The following RAD51B variants were observed in gnomAD, a reference collection of about 807,000 sequenced individuals.
The protein encoded by RAD51B is RAD51 paralog B.
A neutral mutation model predicts 42.2 loss-of-function variants in RAD51B; 38 were observed. That is an observed-to-expected ratio of 0.90 (90% CI 0.70 to 1.18). The LOEUF (loss-of-function observed/expected upper bound fraction) is 1.18. RAD51B is among the 50% of genes most tolerant of loss of function. The pLI is 0.00. For missense variants in RAD51B, 373 were observed against 400.7 expected (o/e 0.93, Z 0.59); for synonymous variants, 154 against 145.2 (o/e 1.06, Z -0.43).
chr14:68,673,551 C>T (rs1039378873), intron 11 of RAD51B, among the ~76,000 whole-genome samples: 10 of 151,066 alleles, frequency 6.6e-5, no homozygotes, highest in Non-Finnish European at 1.0e-4. Context: ...TACATATGTA[C>T]ACACATATGT....
chr14:67,890,792 T>C (rs1448885995), intron 7 of RAD51B, among the ~76,000 whole-genome samples: 1 of 152,150 alleles, frequency 6.6e-6, no homozygotes. Flanking sequence ...ATATTTACAT[T>C]CATTGGAATA....
At chr14:68,682,910 C>T (rs1309817032) in intron 11 of RAD51B, 337 of 701,058 alleles carry the variant, frequency 4.8e-4, no homozygotes, top group East Asian at 1.6e-3. Context: ...TAGCTTATGG[C>T]TTTTTTTTTT....
At chr14:68,204,706 T>A (rs1365981739) in intron 7 of RAD51B, among the ~76,000 whole-genome samples, 1 of 152,170 alleles carries the variant, frequency 6.6e-6, no homozygotes, top group Non-Finnish European at 1.5e-5. Flanking sequence ...TTTAATTTTT[T>A]AAAAAATAGC....
intron 7 of RAD51B, among the ~76,000 whole-genome samples, chr14:68,278,622 A>G (rs2081266522): frequency 6.6e-6 from 1 of 152,232 alleles, no homozygotes; most frequent in Admixed American, 6.5e-5. Context: ...TGCTAAGGGA[A>G]GGTCAGCATG....
intron 9 of RAD51B, among the ~76,000 whole-genome samples, chr14:68,424,990 G>T (rs890613033): frequency 3.3e-5 from 5 of 152,110 alleles, no homozygotes; most frequent in Non-Finnish European, 7.4e-5. Flanking sequence ...GCCCAGGCTG[G>T]GCTTGAATTC....
chr14:68,311,848 G>A (rs1374138270), intron 8 of RAD51B, among the ~76,000 whole-genome samples: 1 of 152,096 alleles, frequency 6.6e-6, no homozygotes, highest in Non-Finnish European at 1.5e-5. Context: ...AGCCAAGATC[G>A]TGCCACTGCA....
At chr14:68,578,559 G>C (rs983368550) in intron 10 of RAD51B, among the ~76,000 whole-genome samples, 2 of 152,174 alleles carry the variant, frequency 1.3e-5, no homozygotes, top group Non-Finnish European at 2.9e-5. Flanking sequence ...AGAGACAACA[G>C]ACAACACTTC....
intron 10 of RAD51B, among the ~76,000 whole-genome samples, chr14:68,493,569 G>A (rs1320244186): frequency 5.9e-5 from 9 of 152,158 alleles, no homozygotes; most frequent in South Asian, 2.1e-4. Flanking sequence ...CGATTAGCTC[G>A]GATTTTATTT....
chr14:67,836,831 G>A (rs984354029), intron 4 of RAD51B, among the ~76,000 whole-genome samples: 1 of 152,122 alleles, frequency 6.6e-6, no homozygotes, highest in African/African-American at 2.4e-5. Flanking sequence ...TATTTTCCTT[G>A]AAAACTGCTT....
intron 10 of RAD51B, among the ~76,000 whole-genome samples, chr14:68,589,790 C>T (rs182469341): frequency 3.3e-4 from 50 of 152,324 alleles, no homozygotes; most frequent in Admixed American, 1.0e-3. Context: ...CCCAGCAGCC[C>T]TGAATGCAAT....
At chr14:68,030,762 A>C (rs1415119849) in intron 7 of RAD51B, among the ~76,000 whole-genome samples, 1 of 152,200 alleles carries the variant, frequency 6.6e-6, no homozygotes, top group African/African-American at 2.4e-5. Flanking sequence ...CAGGAAGCCT[A>C]GCTTTCAGCC....
intron 7 of RAD51B, among the ~76,000 whole-genome samples, chr14:68,152,662 G>T (rs1012208037): frequency 2.6e-5 from 4 of 151,666 alleles, no homozygotes; most frequent in Non-Finnish European, 5.9e-5. Context: ...AGGGAAATTC[G>T]TATCACAGGG....
chr14:68,259,819 C>T (rs761010539), intron 7 of RAD51B, among the ~76,000 whole-genome samples: 36 of 151,970 alleles, frequency 2.4e-4, no homozygotes, highest in Non-Finnish European at 4.3e-4. Flanking sequence ...GACCAAGCAG[C>T]GATATGGCTA....
At chr14:67,946,699 G>C (rs1306984429) in intron 7 of RAD51B, among the ~76,000 whole-genome samples, 6 of 152,144 alleles carry the variant, frequency 3.9e-5, no homozygotes, top group Non-Finnish European at 8.8e-5. Context: ...AAAAGTCTTT[G>C]ATATAAGCAA....
chr14:68,007,436 C>T (rs1003464088), intron 7 of RAD51B, among the ~76,000 whole-genome samples: 1 of 151,856 alleles, frequency 6.6e-6, no homozygotes, highest in African/African-American at 2.4e-5. Flanking sequence ...GAGGAACTGC[C>T]GAACTGTTTT....
At chr14:68,632,846 G>A (rs1469396283) in intron 10 of RAD51B, among the ~76,000 whole-genome samples, 2 of 151,862 alleles carry the variant, frequency 1.3e-5, no homozygotes, top group Non-Finnish European at 2.9e-5. Context: ...TACGATCACA[G>A]CTCACTGCAG....
chr14:68,658,867 C>T (rs1266606451), intron 11 of RAD51B, among the ~76,000 whole-genome samples: 1 of 152,230 alleles, frequency 6.6e-6, no homozygotes, highest in African/African-American at 2.4e-5. Flanking sequence ...AAGGGAGAAA[C>T]TGAGGACCCA....
chr14:68,093,287 C>G (rs1244301783), intron 7 of RAD51B, among the ~76,000 whole-genome samples: 1 of 152,196 alleles, frequency 6.6e-6, no homozygotes, highest in East Asian at 1.9e-4. Flanking sequence ...ACCAGTTCCT[C>G]CTTGTACCTC....
intron 9 of RAD51B, among the ~76,000 whole-genome samples, chr14:68,453,484 T>C (rs1483048326): frequency 2.6e-5 from 4 of 152,128 alleles, no homozygotes; most frequent in Admixed American, 6.5e-5. Flanking sequence ...AAATTGTATA[T>C]GAAATATATG....
Sources: gnomAD v4.1 joint callset for allele counts (sites outside exome capture counted in the v4.1 genomes callset) on GRCh38, gnomAD v4.1.1 for gene constraint, MANE v1.5 for transcripts, NCBI Gene and HGNC (gene_info 2026-07-23, HGNC 2026-07-21) for gene names.